BEND5: variants seen among roughly 807,000 people sequenced by gnomAD.
The protein encoded by BEND5 is BEN domain-containing protein 5.
A neutral mutation model predicts 43.9 loss-of-function variants in BEND5; 22 were observed. The observed-to-expected ratio is 0.50, with a 90% CI of 0.36 to 0.72. The LOEUF (loss-of-function observed/expected upper bound fraction) is 0.72. Ranked by LOEUF, BEND5 falls within the 30% of genes least tolerant of loss-of-function variation. BEND5 has a pLI of 0.00. For synonymous variants in BEND5, 228 were observed against 225.9 expected (o/e 1.01, Z -0.08); for missense variants, 428 against 550.6 (o/e 0.78, Z 2.23).
At chr1:48,747,706 TG>T (rs1374125104) in intron 3 of BEND5, among the ~76,000 whole-genome samples, 1 of 152,214 alleles carries the variant, frequency 6.6e-6, no homozygotes, top group Admixed American at 6.5e-5. Context: ...AAGTGTTTGC[TG>T]GGGCAACAAA....
intron 5 of BEND5, 53 bp from the exon 6 acceptor site, chr1:48,728,096 A>G (rs1647462758): frequency 6.6e-7 from 1 of 1,515,374 alleles, no homozygotes; most frequent in Non-Finnish European, 8.9e-7. Context: ...TCAAGTAAAA[A>G]TCTTTTAAGG....
At chr1:48,753,278 A>G (rs1652043435) in intron 3 of BEND5, among the ~76,000 whole-genome samples, 1 of 152,228 alleles carries the variant, frequency 6.6e-6, no homozygotes, top group Non-Finnish European at 1.5e-5. Context: ...TACCTAGAGG[A>G]GAAAACAGAC....
At chr1:48,775,029 C>T (rs780709517) in intron 1 of BEND5, among the ~76,000 whole-genome samples, 10 of 152,208 alleles carry the variant, frequency 6.6e-5, no homozygotes, top group Non-Finnish European at 1.3e-4. Context: ...TTCCTCAAGC[C>T]TATCGTCTTG....
intron 4 of BEND5, among the ~76,000 whole-genome samples, chr1:48,738,610 AG>A: frequency 1.3e-5 from 2 of 152,236 alleles, no homozygotes; most frequent in Non-Finnish European, 2.9e-5. Context: ...GAGAAAAACA[AG>A]GAACTTTGAA....
intron 3 of BEND5, among the ~76,000 whole-genome samples, chr1:48,754,137 CA>C (rs1652163943): frequency 6.6e-6 from 1 of 152,176 alleles, no homozygotes; most frequent in Non-Finnish European, 1.5e-5. Flanking sequence ...TACAGTGTAA[CA>C]AACTGGGGAG....
intron 3 of BEND5, among the ~76,000 whole-genome samples, chr1:48,753,888 C>T (rs11578117): frequency 0.077 from 11,737 of 152,252 alleles, 652 homozygotes; most frequent in East Asian, 0.3. Context: ...TATTCCCTGA[C>T]AAAGCACACA....
At chr1:48,766,924 T>C (rs1184340486) in intron 1 of BEND5, among the ~76,000 whole-genome samples, 2 of 152,192 alleles carry the variant, frequency 1.3e-5, no homozygotes, top group Non-Finnish European at 2.9e-5. Flanking sequence ...ACCCAGTATA[T>C]GATAAGAACC....
At chr1:48,734,454 C>T (rs1251845764) in intron 5 of BEND5, among the ~76,000 whole-genome samples, 4 of 152,182 alleles carry the variant, frequency 2.6e-5, no homozygotes, top group Non-Finnish European at 5.9e-5. Flanking sequence ...ACTCATCTCC[C>T]ATGTGGTCAC....
chr1:48,736,556 A>G lies in BEND5; in HGVS notation c.895-104T>C, dbSNP rs1002648061. 5 of 986,578 alleles carry G rather than the reference A, an allele frequency of 5.1e-6. No individual in the cohort carries two copies. Among genetic ancestry groups the G allele is most frequent in the Non-Finnish European group, 7.7e-6 (5 of 646,434 alleles). 61.1% of individuals were successfully genotyped at this position (986,578 alleles called of 1,614,324 possible). A position where few individuals can be genotyped will look rare whatever the true frequency, so the allele number is the denominator to read the frequency against. On this transcript the variant is annotated intron_variant, in intron 4 of 5. Coordinates refer to ENST00000371833, the MANE Select transcript of BEND5 (RefSeq NM_024603.4). The surrounding 1 kb of genome is among the most constrained non-coding windows in gnomAD (Gnocchi z 4.0). ...ATTGCTGCACAACTGTAAGAGATTC[A>G]TGTCATAAATATGAAATTAACTCTC... is the stretch of plus-strand genomic sequence containing the variant.
intron 3 of BEND5, among the ~76,000 whole-genome samples, chr1:48,746,542 A>T (rs1650794747): frequency 1.3e-5 from 2 of 152,232 alleles, no homozygotes; most frequent in South Asian, 4.1e-4. Flanking sequence ...CTATTTTCTA[A>T]ATTTCTCACT....
At chr1:48,743,619 T>C (rs986430513) in intron 3 of BEND5, among the ~76,000 whole-genome samples, 6 of 152,108 alleles carry the variant, frequency 3.9e-5, no homozygotes, top group African/African-American at 1.4e-4. Context: ...ATTTCAGGAG[T>C]TGACTAAGAT....
At chr1:48,732,309 A>T (rs1015953717) in intron 5 of BEND5, among the ~76,000 whole-genome samples, 1 of 152,320 alleles carries the variant, frequency 6.6e-6, no homozygotes. Flanking sequence ...GGGCACTTTG[A>T]TCATAGATCA....
chr1:48,764,925 C>T (rs1471020955), intron 1 of BEND5, among the ~76,000 whole-genome samples: 1 of 152,152 alleles, frequency 6.6e-6, no homozygotes, highest in Non-Finnish European at 1.5e-5. Context: ...GAGGTAGAGA[C>T]CTGCTTAGCT....
Position 48,736,193 on chromosome 1 carries a change from G to C in BEND5, c.1108+46C>G. ...TTGTGCCTAACACATTCTTGACAGA[G>C]TAAAAGACAGAATCCCAGCCATTGT... On this transcript the variant is annotated intron_variant, in intron 5 of 5. Coordinates refer to ENST00000371833, the MANE Select transcript of BEND5 (RefSeq NM_024603.4). The surrounding 1 kb of genome is among the most constrained non-coding windows in gnomAD (Gnocchi z 4.0). 1 of 1,562,906 alleles carries C rather than the reference G, an allele frequency of 6.4e-7. No homozygotes were observed. The highest frequency in any genetic ancestry group is 8.8e-7 in the Non-Finnish European group (1 of 1,133,762).
chr1:48,775,755 A>C (rs1435425868), intron 1 of BEND5, among the ~76,000 whole-genome samples: 1 of 152,124 alleles, frequency 6.6e-6, no homozygotes, highest in Non-Finnish European at 1.5e-5. Context: ...CACCAACTGA[A>C]CCTCAGTACC....
chr1:48,761,783 G>A (rs541952812), intron 1 of BEND5, among the ~76,000 whole-genome samples: 26 of 152,246 alleles, frequency 1.7e-4, no homozygotes, highest in Admixed American at 7.8e-4. Flanking sequence ...TCTTGAATTG[G>A]AACAGCCCTT....
At chr1:48,737,396 G>A (rs1051558750) in intron 4 of BEND5, among the ~76,000 whole-genome samples, 20 of 152,218 alleles carry the variant, frequency 1.3e-4, no homozygotes, top group African/African-American at 4.1e-4. Context: ...CCAGTGTATG[G>A]CTAAGTGTGA....
At chr1:48,752,653 T>G (rs972344215) in intron 3 of BEND5, among the ~76,000 whole-genome samples, 3 of 152,250 alleles carry the variant, frequency 2.0e-5, no homozygotes, top group African/African-American at 7.2e-5. Context: ...ACACATTTTC[T>G]CATGCACATC....
chr1:48,738,253 G>A (rs1015536701), intron 4 of BEND5, among the ~76,000 whole-genome samples: 8 of 152,138 alleles, frequency 5.3e-5, no homozygotes, highest in Non-Finnish European at 8.8e-5. Context: ...CTACCTGCAC[G>A]TCTGACTTCA....
Sources: allele counts gnomAD v4.1 joint callset (sites outside exome capture counted in the v4.1 genomes callset), GRCh38; gene constraint gnomAD v4.1.1; non-coding constraint Gnocchi (gnomAD v3.1); transcripts MANE v1.5; gene names NCBI Gene and HGNC (gene_info 2026-07-23, HGNC 2026-07-21).